ZNF609: variants seen among roughly 807,000 people sequenced by gnomAD.
ZNF609 encodes the protein zinc finger protein 609.
Under a neutral mutation model 109.5 loss-of-function variants are expected in ZNF609, and 11 were observed. That is an observed-to-expected ratio of 0.10 (90% CI 0.06 to 0.17). The LOEUF (loss-of-function observed/expected upper bound fraction) is 0.17, where lower values mean the gene tolerates loss of function less well. Ranked by LOEUF, ZNF609 falls within the 10% of genes least tolerant of loss-of-function variation. ZNF609 has a pLI of 1.00. For synonymous variants in ZNF609, 646 were observed against 662.0 expected (o/e 0.98, Z 0.37); for missense variants, 1,559 against 1,772.4 (o/e 0.88, Z 2.16).
At chr15:64,559,774 T>G (rs1343801858) in intron 2 of ZNF609, among the ~76,000 whole-genome samples, 2 of 152,238 alleles carry the variant, frequency 1.3e-5, no homozygotes, top group African/African-American at 4.8e-5. Flanking sequence ...TGAATTTGTT[T>G]AGCCCTTTCT....
chr15:64,576,708 G>A lies in ZNF609; in HGVS notation c.748-46119G>A, dbSNP rs1409537995. ...AATCCCAGCACTTTGGGAGACTGAAGCGAATGGATCACTCGAGGTCAGGAG... is the reference window on the plus strand; with the variant it reads ...AATCCCAGCACTTTGGGAGACTGAAACGAATGGATCACTCGAGGTCAGGAG... On this transcript the variant is annotated intron_variant, in intron 2 of 9. Transcript: ENST00000326648. Among the ~76,000 whole-genome samples, 4 of 151,052 alleles carry A rather than the reference G, an allele frequency of 2.6e-5. No homozygotes were observed. In the Admixed American group the frequency reaches 2.7e-4, roughly 10 times the overall value.
At chr15:64,614,268 T>C (rs1308885242) in intron 2 of ZNF609, among the ~76,000 whole-genome samples, 1 of 151,218 alleles carries the variant, frequency 6.6e-6, no homozygotes, top group East Asian at 1.9e-4. Flanking sequence ...TCTTGCTCTG[T>C]CGCCCAGGCT....
intron 3 of ZNF609, chr15:64,631,226 C>G: frequency 3.1e-6 from 2 of 636,940 alleles, no homozygotes; most frequent in Non-Finnish European, 2.9e-6. Flanking sequence ...AGATGCCTTT[C>G]TCTTTGGCTT....
intron 1 of ZNF609, among the ~76,000 whole-genome samples, chr15:64,495,840 A>G (rs1168100553): frequency 4.9e-5 from 7 of 142,092 alleles, no homozygotes; most frequent in South Asian, 4.4e-4. Context: ...TTTTTTTGAG[A>G]CACAATTTCA....
chr15:64,609,076 CTT>C lies in ZNF609; in HGVS notation c.748-13749_748-13748del, dbSNP rs150321491. Among the ~76,000 whole-genome samples the C allele has an allele frequency of 5.1e-3, 173 of 33,682 alleles. 2 individuals carry two copies. Among genetic ancestry groups the C allele is most frequent in the African/African-American group, 0.014 (167 of 12,216 alleles). 22.1% of individuals were successfully genotyped at this position (33,682 alleles called of 152,430 possible). A position where few individuals can be genotyped will look rare whatever the true frequency, so the allele number is the denominator to read the frequency against. On this transcript the variant is annotated intron_variant, in intron 2 of 9. Transcript: ENST00000326648. ...TTTTAGTTTTAATTTTTCTTTCTTTCTTTCTTTCTTTCTTTCTTTCTTTCTTT... is the reference window on the plus strand; with the variant it reads ...TTTTAGTTTTAATTTTTCTTTCTTTCTCTTTCTTTCTTTCTTTCTTTCTTT...
chr15:64,511,663 A>T (rs775552707), intron 2 of ZNF609, among the ~76,000 whole-genome samples: 1 of 151,900 alleles, frequency 6.6e-6, no homozygotes. Context: ...TTTACAAAGT[A>T]TAAGTGTCCT....
rs2083232824 is a variant in ZNF609, at chr15:64,685,002, C to G, written c.*3316C>G. ...CCCACCCGCTTGCCTTGGTGCTCAG[C>G]CCTCCCATTGGGAGCAGGTTGGGGC... On this transcript the variant is annotated 3_prime_UTR_variant, in exon 10 of 10. Transcript: ENST00000326648. 6.5e-6 allele frequency: 1 copy of G among 152,702 alleles called. No individual in the cohort carries two copies. The highest frequency in any genetic ancestry group is 1.5e-5 in the Non-Finnish European group (1 of 68,072). The allele number at this position is 152,702 out of a possible 1,614,324, so 9.5% of individuals were successfully genotyped here.
Position 64,678,252 on chromosome 15 carries a change from A to G in ZNF609, c.3539A>G (p.Lys1180Arg). Residue 1180 changes from lysine (K) to arginine (R), a missense_variant, in exon 6 of 10, where the codon AAG (lysine) becomes AGG (arginine). Around this residue, in one of 4 missense-constraint regions of ZNF609, gnomAD observed 1,204 missense variants for 1,314.1 expected, o/e 0.92. Coordinates refer to ENST00000326648, the MANE Select transcript of ZNF609 (RefSeq NM_015042.2). ...AGTCGGAGTAAGGACTCTGTCCCCA[A>G]GGAAGATGGGAAGGAAAGCACAAGT... ...ERSRSKDSVP[K>R]EDGKESTSSD... 22 of 1,614,208 alleles carry G rather than the reference A, an allele frequency of 1.4e-5. No individual in the cohort carries two copies. The highest frequency in any genetic ancestry group is 1.9e-5 in the Non-Finnish European group (22 of 1,180,036).
intron 2 of ZNF609, among the ~76,000 whole-genome samples, chr15:64,613,774 T>G (rs1227445485): frequency 6.6e-6 from 1 of 151,916 alleles, no homozygotes; most frequent in African/African-American, 2.4e-5. Context: ...CTGGTCTAAC[T>G]CCTGACCTCG....
chr15:64,646,258 C>T (rs911559652), intron 3 of ZNF609, among the ~76,000 whole-genome samples: 22 of 152,194 alleles, frequency 1.4e-4, no homozygotes, highest in African/African-American at 4.8e-4. Context: ...CTTTGGGAGG[C>T]TGAGATGGGA....
At chr15:64,556,111 C>T (rs906540641) in intron 2 of ZNF609, among the ~76,000 whole-genome samples, 1 of 151,438 alleles carries the variant, frequency 6.6e-6, no homozygotes, top group Admixed American at 6.6e-5. Context: ...CTTTCTTAGC[C>T]TCCCAAGTAG....
At position 64,672,010 on chromosome 15, in the gene ZNF609, T is replaced by C. The variant is rs1218300448; in HGVS notation, c.1061+1577T>C. Among the ~76,000 whole-genome samples the C allele has an allele frequency of 2.4e-4, 32 of 136,044 alleles. 1 individual carries two copies. Among genetic ancestry groups the C allele is most frequent in the Admixed American group, 2.3e-3 (32 of 13,964 alleles). 89.3% of individuals were successfully genotyped at this position (136,044 alleles called of 152,430 possible). ...CCAGGTTTCTAGAGGCTTAGACTTT[T>C]TTTTTTTTTTTTTTTTTTTTGAGAT... On this transcript the variant is annotated intron_variant, in intron 4 of 9. Coordinates refer to ENST00000326648, the MANE Select transcript of ZNF609 (RefSeq NM_015042.2).
chr15:64,636,312 T>C (rs1290912707), intron 3 of ZNF609, among the ~76,000 whole-genome samples: 1 of 152,188 alleles, frequency 6.6e-6, no homozygotes, highest in African/African-American at 2.4e-5. Flanking sequence ...CTTCACGGCC[T>C]TCTCCATAGC....
chr15:64,556,540 A>G (rs1192038245), intron 2 of ZNF609, among the ~76,000 whole-genome samples: 1 of 152,214 alleles, frequency 6.6e-6, no homozygotes, highest in Non-Finnish European at 1.5e-5. Flanking sequence ...TTTATAGATG[A>G]AGAAACCAAA....
chr15:64,634,598 T>G (rs1480140580), intron 3 of ZNF609, among the ~76,000 whole-genome samples: 2 of 152,218 alleles, frequency 1.3e-5, no homozygotes, highest in African/African-American at 4.8e-5. Context: ...CTATTGGTTT[T>G]TCTTTCTCAT....
At chr15:64,670,854 G>C (rs1896715045) in intron 4 of ZNF609, among the ~76,000 whole-genome samples, 1 of 147,502 alleles carries the variant, frequency 6.8e-6, no homozygotes, top group African/African-American at 2.6e-5. Context: ...CTCCAGCCTG[G>C]GCAACAAAAA....
intron 2 of ZNF609, among the ~76,000 whole-genome samples, chr15:64,503,692 C>G (rs190216218): frequency 6.6e-6 from 1 of 152,192 alleles, no homozygotes; most frequent in South Asian, 2.1e-4. Context: ...GAAGCTCCCC[C>G]TCACATGTCT....
intron 4 of ZNF609, among the ~76,000 whole-genome samples, chr15:64,671,944 C>T (rs958609772): frequency 2.0e-5 from 3 of 151,710 alleles, no homozygotes; most frequent in East Asian, 1.9e-4. Context: ...TTATTCTCTA[C>T]CGAGGGCTAT....
upstream of ZNF609, among the ~76,000 whole-genome samples, chr15:64,460,332 G>A (rs2140322793): frequency 6.6e-6 from 1 of 152,302 alleles, no homozygotes; most frequent in Non-Finnish European, 1.5e-5. Flanking sequence ...TTAGGTTCGA[G>A]CTCTCTAATC....
Sources: gnomAD v4.1 joint callset for allele counts (sites outside exome capture counted in the v4.1 genomes callset) on GRCh38, gnomAD v4.1.1 for gene constraint, gnomAD v4.1.1 regional missense constraint, MANE v1.5 for transcripts, NCBI Gene and HGNC (gene_info 2026-07-23, HGNC 2026-07-21) for gene names.